RAP1A: variants seen among roughly 807,000 people sequenced by gnomAD.
The protein encoded by RAP1A is RAP1A, member of RAS oncogene family.
A neutral mutation model predicts 26.4 loss-of-function variants in RAP1A; 6 were observed. The observed-to-expected ratio is 0.23, with a 90% CI of 0.12 to 0.45. The LOEUF is 0.45. RAP1A is among the 20% of genes least tolerant of loss of function. RAP1A has a pLI of 0.99. For missense variants in RAP1A, 121 were observed against 217.2 expected, an observed-to-expected ratio of 0.56 and a Z score of 2.78; for synonymous variants, 73 against 79.4, an observed-to-expected ratio of 0.92 and a Z score of 0.43.
At position 111,634,599 on chromosome 1, in the gene RAP1A, TTA is replaced by T. The variant is rs141253898; in HGVS notation, c.-28+14677_-28+14678del. 1.8e-3 allele frequency among the ~76,000 whole-genome samples: 269 copies of T among 149,790 alleles called. 1 individual carries two copies. The highest frequency in any genetic ancestry group is 1.3e-3 in the African/African-American group (53 of 41,072). The stretch of plus-strand genomic sequence containing the variant: ...GTTAAGCCTTTTATGAACTTTACAT[TTA>T]TATATATATATGTATGTATGTATGT... On this transcript the variant is annotated intron_variant, in intron 1 of 7. Coordinates refer to ENST00000369709, the MANE Select transcript of RAP1A (RefSeq NM_002884.4).
intron 1 of RAP1A, among the ~76,000 whole-genome samples, chr1:111,640,997 A>C (rs1158121576): frequency 6.6e-6 from 1 of 152,178 alleles, no homozygotes; most frequent in African/African-American, 2.4e-5. Flanking sequence ...TTTGTTAAGT[A>C]ATGTATTTTA....
At chr1:111,547,307 T>C (rs769731746) in intron 1 of RAP1A, among the ~76,000 whole-genome samples, 13 of 152,052 alleles carry the variant, frequency 8.5e-5, no homozygotes, top group Non-Finnish European at 1.6e-4. Context: ...CATGAAAGGG[T>C]ACTGGATTTT....
intron 1 of RAP1A, among the ~76,000 whole-genome samples, chr1:111,560,733 G>C (rs1312999869): frequency 1.3e-5 from 2 of 152,086 alleles, no homozygotes; most frequent in African/African-American, 4.8e-5. Context: ...TTCAAGTAAT[G>C]CTCCAGCCGC....
At chr1:111,594,166 C>A (rs1223585863) in intron 1 of RAP1A, among the ~76,000 whole-genome samples, 1 of 152,026 alleles carries the variant, frequency 6.6e-6, no homozygotes, top group East Asian at 1.9e-4. Context: ...CCAGATGCCA[C>A]GACTTGGAAA....
chr1:111,697,942 A>C (rs558735642), intron 4 of RAP1A, among the ~76,000 whole-genome samples: 1 of 152,304 alleles, frequency 6.6e-6, no homozygotes, highest in African/African-American at 2.4e-5. Context: ...CTTCCTCAGA[A>C]GATTTAGAAT....
intron 1 of RAP1A, among the ~76,000 whole-genome samples, chr1:111,669,040 A>AAAAAG (rs1660891998): frequency 1.4e-5 from 2 of 140,466 alleles, no homozygotes; most frequent in African/African-American, 2.7e-5. Context: ...AAAAAAAAAA[A>AAAAAG]AAAAAAAAGA....
chr1:111,668,678 G>A (rs896421893), intron 1 of RAP1A, among the ~76,000 whole-genome samples: 4 of 152,250 alleles, frequency 2.6e-5, no homozygotes, highest in East Asian at 3.9e-4. Context: ...GAAAGATAGC[G>A]AGGTTATGAG....
intron 1 of RAP1A, among the ~76,000 whole-genome samples, chr1:111,552,547 T>C (rs2800900): frequency 0.97 from 147,426 of 152,312 alleles, 71,484 homozygotes; most frequent in Non-Finnish European, 1. Context: ...ACAGAGACCA[T>C]AATTCACCAT....
intron 1 of RAP1A, among the ~76,000 whole-genome samples, chr1:111,645,999 G>A (rs942607421): frequency 4.6e-5 from 7 of 152,202 alleles, no homozygotes; most frequent in Non-Finnish European, 8.8e-5. Context: ...ACGTGCACAC[G>A]TGTTTATATC....
intron 1 of RAP1A, among the ~76,000 whole-genome samples, chr1:111,562,466 T>C (rs1657779123): frequency 6.6e-6 from 1 of 152,252 alleles, no homozygotes; most frequent in East Asian, 1.9e-4. Flanking sequence ...CATGTACACC[T>C]GCATTTGTGT....
rs369349380 is a variant in RAP1A at position 111,715,319 on chromosome 1, G to GCCCCC, written c.*2922_*2926dup. Reference sequence around the variant, plus strand: ...TCTTGAACTCCTGACTTCGTGATCCGCCCCCCCCTCAGCCTCCCAAAGTGC... The same window carrying GCCCCC: ...TCTTGAACTCCTGACTTCGTGATCCGCCCCCCCCCCCCCTCAGCCTCCCAAAGTGC... On this transcript the variant is annotated 3_prime_UTR_variant, in exon 8 of 8. Transcript: ENST00000369709. 2.7e-4 allele frequency: 39 copies of GCCCCC among 142,964 alleles called. 1 individual carries two copies. The highest frequency in any genetic ancestry group is 1.1e-3 in the African/African-American group (39 of 35,662). The allele number at this position is 142,964 out of a possible 1,614,324, so 8.9% of individuals were successfully genotyped here.
rs191948454 is a variant in RAP1A, at chr1:111,651,769, G to T, written c.-28+31835G>T. On this transcript the variant is annotated intron_variant, in intron 1 of 7. Coordinates refer to ENST00000369709, the MANE Select transcript of RAP1A (RefSeq NM_002884.4). ...TGGGATTACCAGCATGCGCTGCCAC[G>T]CCCAGCTAATGTTTTTGTGTTTTTA... Among the ~76,000 whole-genome samples the T allele has an allele frequency of 1.3e-3, 201 of 152,012 alleles. 1 individual carries two copies. The highest frequency in any genetic ancestry group is 4.6e-3 in the African/African-American group (191 of 41,474).
intron 1 of RAP1A, among the ~76,000 whole-genome samples, chr1:111,596,070 T>A (rs1358197021): frequency 6.6e-6 from 1 of 152,246 alleles, no homozygotes; most frequent in Admixed American, 6.5e-5. Flanking sequence ...ATCTTTGCTC[T>A]ACATTATGCT....
At chr1:111,660,912 C>T (rs1334797774) in intron 1 of RAP1A, among the ~76,000 whole-genome samples, 1 of 152,246 alleles carries the variant, frequency 6.6e-6, no homozygotes, top group East Asian at 1.9e-4. Context: ...ACTCTGTCCT[C>T]TAACTGCCCA....
rs1406461916 is a variant in RAP1A, at chr1:111,712,587, C to G, written c.*186C>G. The G allele has an allele frequency of 6.6e-6, 1 of 152,446 alleles. No homozygotes were observed. The allele number at this position is 152,446 out of a possible 1,614,324, so 9.4% of individuals were successfully genotyped here. ...AAGTTCCCTGGAGAAAAAAATTGCTCTGTGTATATCTCTTGGAAAATAAGA... is the reference window on the plus strand; with the variant it reads ...AAGTTCCCTGGAGAAAAAAATTGCTGTGTGTATATCTCTTGGAAAATAAGA... On this transcript the variant is annotated 3_prime_UTR_variant, in exon 8 of 8. Transcript: ENST00000369709.
chr1:111,702,903 A>G (rs188947594), intron 4 of RAP1A, among the ~76,000 whole-genome samples: 1 of 152,186 alleles, frequency 6.6e-6, no homozygotes, highest in African/African-American at 2.4e-5. Flanking sequence ...TCAAGATGAT[A>G]AAAATATTGC....
At chr1:111,578,251 A>G (rs554020904) in intron 1 of RAP1A, among the ~76,000 whole-genome samples, 1 of 152,266 alleles carries the variant, frequency 6.6e-6, no homozygotes, top group South Asian at 2.1e-4. Flanking sequence ...AAGCAACAGC[A>G]TGGCTTGTCA....
chr1:111,542,247 G>C (rs1196399389), exon 1 of RAP1A: 1 of 608,584 alleles, frequency 1.6e-6, no homozygotes, highest in Admixed American at 1.9e-5. Flanking sequence ...AAACACTGGC[G>C]GCACATATTG....
At chr1:111,564,088 C>T in intron 1 of RAP1A, 1 of 607,762 alleles carries the variant, frequency 1.6e-6, no homozygotes, top group Non-Finnish European at 3.0e-6. Context: ...CTCATAAAGC[C>T]TTAAGCTCCT....
Sources: allele counts gnomAD v4.1 joint callset (sites outside exome capture counted in the v4.1 genomes callset), GRCh38; gene constraint gnomAD v4.1.1; transcripts MANE v1.5; gene names NCBI Gene and HGNC (gene_info 2026-07-23, HGNC 2026-07-21).